LZTS1: variants seen among roughly 807,000 people sequenced by gnomAD.
LZTS1 encodes the protein leucine zipper tumor suppressor 1.
Under a neutral mutation model 45.8 loss-of-function variants are expected in LZTS1, and 31 were observed. The observed-to-expected ratio is 0.68, with a 90% CI of 0.51 to 0.91. LZTS1 has a LOEUF of 0.91. LZTS1 is among the 40% of genes least tolerant of loss of function. The probability of loss-of-function intolerance (pLI) is 0.00; values close to 1 mark genes in which losing one functional copy is unlikely to be tolerated. For missense variants in LZTS1, 821 were observed against 788.9 expected (o/e 1.04, Z -0.49); for synonymous variants, 359 against 357.3 (o/e 1.00, Z -0.05).
intron 1 of LZTS1, among the ~76,000 whole-genome samples, chr8:20,278,291 G>A (rs149529349): frequency 2.2e-4 from 34 of 152,306 alleles, no homozygotes; most frequent in Admixed American, 3.9e-4. Flanking sequence ...AACGAGACAG[G>A]TAAGTGGAGA....
In LZTS1 at chr8:20,303,744, C is replaced by T; in HGVS notation, c.-139G>A. On this transcript the variant is annotated 5_prime_UTR_variant, in exon 1 of 4. Transcript: ENST00000381569. ...TCCCCGGCCACCGCACCTTACCTGCCCCCTGCGCCTCGGGCGCACTTGAGA... is the reference window on the plus strand; with the variant it reads ...TCCCCGGCCACCGCACCTTACCTGCTCCCTGCGCCTCGGGCGCACTTGAGA... 1.0e-5 allele frequency: 10 copies of T among 985,612 alleles called. No homozygotes were observed. The highest frequency in any genetic ancestry group is 1.2e-5 in the Non-Finnish European group (10 of 830,224). 61.1% of individuals were successfully genotyped at this position (985,612 alleles called of 1,614,324 possible).
At chr8:20,296,053 G>A (rs539668364) in intron 1 of LZTS1, among the ~76,000 whole-genome samples, 18 of 152,274 alleles carry the variant, frequency 1.2e-4, no homozygotes, top group African/African-American at 3.6e-4. Context: ...TGCTGCCAGC[G>A]AATAATGACT....
chr8:20,294,688 G>C (rs558289806), intron 1 of LZTS1, among the ~76,000 whole-genome samples: 19 of 152,272 alleles, frequency 1.2e-4, no homozygotes, highest in South Asian at 1.0e-3. Context: ...ATGCCCTTTG[G>C]GGGTGGCGGG....
At position 20,247,474 on chromosome 8, in the gene LZTS1, G is replaced by T. The variant is rs1075; in HGVS notation, c.*2248C>A. Reference sequence around the variant, plus strand: ...GGAAATGAAGGAACTGAGGGCTGAGGCGCAAGGAATGGGGCATCTTTGACT... The same window carrying T: ...GGAAATGAAGGAACTGAGGGCTGAGTCGCAAGGAATGGGGCATCTTTGACT... On this transcript the variant is annotated 3_prime_UTR_variant, in exon 4 of 4. Transcript: ENST00000381569. 0.16 allele frequency: 25,112 copies of T among 153,092 alleles called. 2,575 individuals are homozygous for T. Among genetic ancestry groups the T allele is most frequent in the Non-Finnish European group, 0.22 (15,180 of 68,366 alleles). 9.5% of individuals were successfully genotyped at this position (153,092 alleles called of 1,614,324 possible).
chr8:20,255,065 G>T lies in LZTS1; in HGVS notation c.117C>A (p.Asp39Glu). 1 of 1,614,232 alleles carries T rather than the reference G, an allele frequency of 6.2e-7. No homozygotes were observed. The change falls in exon 2 of 4, where the codon GAC (aspartate) becomes GAA (glutamate). Residue 39 changes from aspartate to glutamate, a missense_variant. Coordinates refer to ENST00000381569, the MANE Select transcript of LZTS1 (RefSeq NM_021020.5). ...GGGAGAAGCCAAACCTCAGCAGCCC[G>T]TCGGAATACCGGTTGAGCTTCTTGA... ...SHLKKLNRYS[D>E]GLLRFGFSQD...
At chr8:20,293,211 G>T (rs1020426493) in intron 1 of LZTS1, among the ~76,000 whole-genome samples, 2 of 152,100 alleles carry the variant, frequency 1.3e-5, no homozygotes, top group African/African-American at 2.4e-5. Flanking sequence ...TAAAACCAGG[G>T]TCTGCTCTAG....
intron 1 of LZTS1, among the ~76,000 whole-genome samples, chr8:20,257,891 C>T (rs1205584157): frequency 6.6e-6 from 1 of 152,088 alleles, no homozygotes; most frequent in African/African-American, 2.4e-5. Flanking sequence ...CCAGGCTGGT[C>T]TCGAACTCCT....
chr8:20,294,427 C>A (rs1012995590), intron 1 of LZTS1, among the ~76,000 whole-genome samples: 1 of 152,224 alleles, frequency 6.6e-6, no homozygotes, highest in Non-Finnish European at 1.5e-5. Context: ...AGGGGAGGAG[C>A]CGAAGGCAGC....
rs1799804696 is a variant in LZTS1 at position 20,248,839 on chromosome 8, C to G, written c.*883G>C. 1 of 152,532 alleles carries G rather than the reference C, an allele frequency of 6.6e-6. No homozygotes were observed. The highest frequency in any genetic ancestry group is 1.9e-4 in the East Asian group (1 of 5,176). 9.4% of individuals were successfully genotyped at this position (152,532 alleles called of 1,614,324 possible). ...AGGGACTCCCAGCCTCTGGCCCCAG[C>G]TGGACAGATGGGGAGGCTCCCTGAG... On this transcript the variant is annotated 3_prime_UTR_variant, in exon 4 of 4. Coordinates refer to ENST00000381569, the MANE Select transcript of LZTS1 (RefSeq NM_021020.5).
At chr8:20,251,140 T>TATATATATAA (rs1211213168) in intron 3 of LZTS1, among the ~76,000 whole-genome samples, 27 of 86,438 alleles carry the variant, frequency 3.1e-4, no homozygotes, top group African/African-American at 1.3e-3. Flanking sequence ...TATATATATA[T>TATATATATAA]ATATATATAA....
chr8:20,263,233 G>C (rs1800279686), intron 1 of LZTS1, among the ~76,000 whole-genome samples: 1 of 152,174 alleles, frequency 6.6e-6, no homozygotes, highest in Non-Finnish European at 1.5e-5. Flanking sequence ...AGCAGGCGGA[G>C]ACTGGGCGGG....
At chr8:20,271,764 T>C (rs901473645) in intron 1 of LZTS1, among the ~76,000 whole-genome samples, 2 of 152,216 alleles carry the variant, frequency 1.3e-5, no homozygotes, top group Non-Finnish European at 2.9e-5. Flanking sequence ...GCAATGCCAG[T>C]CCTATGCTCT....
intron 1 of LZTS1, among the ~76,000 whole-genome samples, chr8:20,258,119 A>G (rs1203265556): frequency 1.3e-5 from 2 of 152,170 alleles, no homozygotes; most frequent in Non-Finnish European, 1.5e-5. Context: ...AGATCACACA[A>G]TTTTCAAAGC....
At chr8:20,288,688 C>T (rs1585301455) in intron 1 of LZTS1, among the ~76,000 whole-genome samples, 1 of 152,292 alleles carries the variant, frequency 6.6e-6, no homozygotes, top group South Asian at 2.1e-4. Context: ...ATGGCTCTCC[C>T]ACCACTGGGG....
At chr8:20,283,552 G>A (rs538199507) in intron 1 of LZTS1, among the ~76,000 whole-genome samples, 5 of 152,190 alleles carry the variant, frequency 3.3e-5, no homozygotes, top group East Asian at 3.9e-4. Context: ...CTGGAAACCC[G>A]GAGAGGGATA....
chr8:20,250,373 G>A lies in LZTS1; in HGVS notation c.1150-10C>T, dbSNP rs1428317520. 2.1e-5 allele frequency: 34 copies of A among 1,582,642 alleles called. No homozygotes were observed. The highest frequency in any genetic ancestry group is 2.9e-5 in the Non-Finnish European group (34 of 1,164,076). ...CTGACTTCTGGCACACCTGCCGAGG[G>A]TGGGGTGGAGACAGAGTGCCAAGAG... On this transcript the variant is annotated splice_polypyrimidine_tract_variant and intron_variant, in intron 3 of 3. Coordinates refer to ENST00000381569, the MANE Select transcript of LZTS1 (RefSeq NM_021020.5).
In LZTS1 at chr8:20,292,138, C is replaced by T. The variant is rs752022054; in HGVS notation, c.-135+11602G>A. ...AGAAGGCAAGATGAAAACGCCTGAGCGGGTACCAGGCTGAGGAATCTTCCA... is the reference window on the plus strand; with the variant it reads ...AGAAGGCAAGATGAAAACGCCTGAGTGGGTACCAGGCTGAGGAATCTTCCA... On this transcript the variant is annotated intron_variant, in intron 1 of 3. Coordinates refer to ENST00000381569, the MANE Select transcript of LZTS1 (RefSeq NM_021020.5). 5.3e-5 allele frequency among the ~76,000 whole-genome samples: 8 copies of T among 152,232 alleles called. No individual in the cohort carries two copies. The East Asian group carries it at 5.8e-4, about 11-fold the overall frequency.
At chr8:20,258,075 G>A (rs1800147677) in intron 1 of LZTS1, among the ~76,000 whole-genome samples, 1 of 152,152 alleles carries the variant, frequency 6.6e-6, no homozygotes, top group South Asian at 2.1e-4. Context: ...GTCAGTGCCA[G>A]CACATGTGCA....
chr8:20,297,057 CTT>C (rs1304307654), intron 1 of LZTS1, among the ~76,000 whole-genome samples: 1 of 152,194 alleles, frequency 6.6e-6, no homozygotes, highest in Non-Finnish European at 1.5e-5. Flanking sequence ...ATCCAATTCT[CTT>C]CTCCCCTGGG....
Sources: allele counts gnomAD v4.1 joint callset (sites outside exome capture counted in the v4.1 genomes callset), GRCh38; gene constraint gnomAD v4.1.1; transcripts MANE v1.5; gene names NCBI Gene and HGNC (gene_info 2026-07-23, HGNC 2026-07-21).